Variants in CNNM1 observed in about 807,000 individuals in gnomAD.
CNNM1 encodes metal transporter CNNM1.
In CNNM1, 44 loss-of-function variants were observed where a neutral mutation model predicts 78.8. That is an observed-to-expected ratio of 0.56 (90% CI 0.44 to 0.72). CNNM1 has a LOEUF of 0.72. CNNM1 is among the 30% of genes least tolerant of loss of function. The pLI, the probability that CNNM1 is intolerant of heterozygous loss-of-function variation, is 0.00. For missense variants in CNNM1, 1,101 were observed against 1,292.2 expected (o/e 0.85, Z 2.27); for synonymous variants, 584 against 581.5 (o/e 1.00, Z -0.06).
chr10:99,356,554 CAGACAGACAGAAAGAA>C lies in CNNM1; in HGVS notation c.1574-954_1574-939del, dbSNP rs1261394535. ...AAAGAAAGAAAGACAGACAGACAGACAGACAGACAGAAAGAAAGAAAGAAAGAAAGAAAGAAAGAAA... is the reference window on the plus strand; with the variant it reads ...AAAGAAAGAAAGACAGACAGACAGACAGAAAGAAAGAAAGAAAGAAAGAAA... On this transcript the variant is annotated intron_variant, in intron 1 of 10. Coordinates refer to ENST00000356713, the MANE Select transcript of CNNM1 (RefSeq NM_020348.3). Among the ~76,000 whole-genome samples, 18 of 44,494 alleles carry C rather than the reference CAGACAGACAGAAAGAA, an allele frequency of 4.0e-4. No homozygotes were observed. In the South Asian group the frequency reaches 4.6e-3, roughly 11 times the overall value. 29.2% of individuals were successfully genotyped at this position (44,494 alleles called of 152,430 possible). A position where few individuals can be genotyped will look rare whatever the true frequency, so the allele number is the denominator to read the frequency against.
intron 6 of CNNM1, among the ~76,000 whole-genome samples, chr10:99,371,595 A>G (rs1241047255): frequency 2.6e-5 from 4 of 152,162 alleles, no homozygotes; most frequent in Non-Finnish European, 5.9e-5. Flanking sequence ...ATCTCTAAAA[A>G]TAATATTTCT....
intron 1 of CNNM1, among the ~76,000 whole-genome samples, chr10:99,345,115 C>A (rs1589890087): frequency 6.6e-6 from 1 of 152,122 alleles, no homozygotes; most frequent in Admixed American, 6.5e-5. Flanking sequence ...TTGGATAAGT[C>A]ATTTTATTTT....
At chr10:99,347,576 A>AACACACACACACACACACAC (rs57477706) in intron 1 of CNNM1, among the ~76,000 whole-genome samples, 7,989 of 140,736 alleles carry the variant, frequency 0.057, 312 homozygotes, top group South Asian at 0.13. Flanking sequence ...ACCTTTTTGC[A>AACACACACACACACACACAC]ACACACACAC....
chr10:99,376,471 C>T (rs909167419), intron 6 of CNNM1, among the ~76,000 whole-genome samples: 8 of 152,188 alleles, frequency 5.3e-5, no homozygotes, highest in Non-Finnish European at 1.0e-4. Flanking sequence ...GGGGGCAGGC[C>T]TGAATGCTTC....
intron 7 of CNNM1, 183 bp downstream of exon 7, chr10:99,377,401 G>A (rs377423950): frequency 4.6e-4 from 226 of 491,178 alleles, no homozygotes; most frequent in Non-Finnish European, 7.1e-4. Context: ...GCTTTAGGAC[G>A]GTTCATTATT....
chr10:99,365,774 G>A (rs1001728672), intron 6 of CNNM1, among the ~76,000 whole-genome samples: 3 of 152,184 alleles, frequency 2.0e-5, no homozygotes, highest in Non-Finnish European at 2.9e-5. Context: ...CCACTTCAAT[G>A]CCAAATAGGG....
In CNNM1 at chr10:99,377,035, C is replaced by G. The variant is rs781613753; in HGVS notation, c.2177-20C>G. ...CCACCCATCCCTCCTTGTCTTTTCT[C>G]CATCTCTCACCATCTGCAGTAAACC... is the stretch of plus-strand genomic sequence containing the variant. On this transcript the variant is annotated intron_variant, in intron 6 of 10. Coordinates refer to ENST00000356713, the MANE Select transcript of CNNM1 (RefSeq NM_020348.3). 3 of 1,374,970 alleles carry G rather than the reference C, an allele frequency of 2.2e-6. No homozygotes were observed. The highest frequency in any genetic ancestry group is 2.2e-5 in the Admixed American group (1 of 46,322). The allele number at this position is 1,374,970 out of a possible 1,614,324, so 85.2% of individuals were successfully genotyped here.
intron 1 of CNNM1, among the ~76,000 whole-genome samples, chr10:99,356,002 C>A (rs2031129011): frequency 6.6e-6 from 1 of 152,140 alleles, no homozygotes. Context: ...GTTCAAACTA[C>A]CATTGCTGCT....
At chr10:99,388,369 G>GT in intron 9 of CNNM1, 68 bp downstream of exon 9, 1 of 1,540,202 alleles carries the variant, frequency 6.5e-7, no homozygotes, top group South Asian at 1.2e-5. Flanking sequence ...GGATGGCCCA[G>GT]GGAAAGCTGG....
Position 99,342,457 on chromosome 10 carries a change from G to A in CNNM1, c.1573+11497G>A, listed in dbSNP as rs372852432. Reference sequence around the variant, plus strand: ...TTGGCTTTTTTATAATTGCCTTTTAGTGGCTCAAGAATTTATTTTGTGATA... The same window carrying A: ...TTGGCTTTTTTATAATTGCCTTTTAATGGCTCAAGAATTTATTTTGTGATA... On this transcript the variant is annotated intron_variant, in intron 1 of 10. Transcript: ENST00000356713. 1.2e-4 allele frequency among the ~76,000 whole-genome samples: 19 copies of A among 152,286 alleles called. No homozygotes were observed. In the East Asian group the frequency reaches 3.3e-3, roughly 26 times the overall value.
chr10:99,337,095 GCTTA>G (rs1385041767), intron 1 of CNNM1, among the ~76,000 whole-genome samples: 3 of 152,134 alleles, frequency 2.0e-5, no homozygotes, highest in Non-Finnish European at 4.4e-5. Context: ...ATCGCATTAT[GCTTA>G]CTTACTACCT....
In CNNM1 at chr10:99,390,404, T is replaced by C. The variant is rs2032439442; in HGVS notation, c.2773T>C (p.Leu925=). Residue 925 remains leucine (L), a synonymous_variant, in exon 10 of 11, where the codon TTG becomes CTG. Coordinates refer to ENST00000356713, the MANE Select transcript of CNNM1 (RefSeq NM_020348.3). ...CGTGGGCAAGAAGCTGCTGAGAACC[T>C]TGAGTGAGTAGCTAGTTCTTCACCC... ...ENVGKKLLRT[L]SGQKRKRSPE... 4 of 1,608,846 alleles carry C rather than the reference T, an allele frequency of 2.5e-6. No individual in the cohort carries two copies. Among genetic ancestry groups the C allele is most frequent in the Non-Finnish European group, 3.4e-6 (4 of 1,176,820 alleles).
chr10:99,332,172 C>CT (rs1328456913), intron 1 of CNNM1, among the ~76,000 whole-genome samples: 1 of 152,174 alleles, frequency 6.6e-6, no homozygotes, highest in Non-Finnish European at 1.5e-5. Context: ...ATTCAAAAGA[C>CT]TATCTCACAA....
At chr10:99,373,305 G>C (rs1162964613) in intron 6 of CNNM1, among the ~76,000 whole-genome samples, 1 of 152,128 alleles carries the variant, frequency 6.6e-6, no homozygotes, top group Non-Finnish European at 1.5e-5. Context: ...TGATTCTCTG[G>C]GCAGCTGAAG....
intron 6 of CNNM1, among the ~76,000 whole-genome samples, chr10:99,375,821 C>G (rs933401439): frequency 4.6e-5 from 7 of 152,202 alleles, no homozygotes; most frequent in Non-Finnish European, 1.0e-4. Flanking sequence ...CCTCCTCATC[C>G]CCTTTTTTGG....
chr10:99,389,881 AG>A (rs1249757943), intron 9 of CNNM1, among the ~76,000 whole-genome samples: 3 of 152,196 alleles, frequency 2.0e-5, no homozygotes, highest in African/African-American at 7.2e-5. Context: ...GGGAGAAGAC[AG>A]GGGCATTGTT....
intron 1 of CNNM1, among the ~76,000 whole-genome samples, chr10:99,350,038 C>A (rs938699205): frequency 6.6e-6 from 1 of 152,044 alleles, no homozygotes; most frequent in Non-Finnish European, 1.5e-5. Context: ...CTATCTGGAC[C>A]CTGCCCCACC....
At chr10:99,356,558 CAGACAGAAAGAAAGAA>C (rs1564947106) in intron 1 of CNNM1, among the ~76,000 whole-genome samples, 3 of 45,750 alleles carry the variant, frequency 6.6e-5, no homozygotes, top group South Asian at 9.8e-4. Context: ...GACAGACAGA[CAGACAGAAAGAAAGAA>C]AGAAAGAAAG....
intron 2 of CNNM1, among the ~76,000 whole-genome samples, chr10:99,358,420 A>G (rs941349250): frequency 6.6e-6 from 1 of 152,176 alleles, no homozygotes; most frequent in Non-Finnish European, 1.5e-5. Flanking sequence ...TAGGCTGGGA[A>G]GTGTTTCCTC....
Sources: gnomAD v4.1 joint callset for allele counts (sites outside exome capture counted in the v4.1 genomes callset) on GRCh38, gnomAD v4.1.1 for gene constraint, MANE v1.5 for transcripts, NCBI Gene and HGNC (gene_info 2026-07-23, HGNC 2026-07-21) for gene names.